Variants in ARHGAP15 observed in about 807,000 individuals in gnomAD.
The protein encoded by ARHGAP15 is Rho GTPase activating protein 15, also known as rho GTPase-activating protein 15.
Under a neutral mutation model 63.7 loss-of-function variants are expected in ARHGAP15, and 51 were observed. The ratio of observed to expected loss-of-function variants is 0.80; its 90% CI spans 0.64 to 1.01. The LOEUF (loss-of-function observed/expected upper bound fraction) is 1.01. Ranked by LOEUF, ARHGAP15 falls within the 50% of genes least tolerant of loss-of-function variation. ARHGAP15 has a pLI of 0.00. For synonymous variants in ARHGAP15, 191 were observed against 193.8 expected (o/e 0.99, Z 0.12); for missense variants, 560 against 564.6 (o/e 0.99, Z 0.08).
At chr2:143,680,527 T>C (rs1250215964) in intron 12 of ARHGAP15, among the ~76,000 whole-genome samples, 1 of 152,220 alleles carries the variant, frequency 6.6e-6, no homozygotes, top group East Asian at 1.9e-4. Flanking sequence ...GGTGGGGAGA[T>C]ACCCAGTGTT....
At chr2:143,373,640 A>AC (rs920236386) in intron 6 of ARHGAP15, among the ~76,000 whole-genome samples, 4 of 149,296 alleles carry the variant, frequency 2.7e-5, no homozygotes, top group African/African-American at 7.4e-5. Context: ...AAAAAAAAAA[A>AC]AAAAAAAAAA....
chr2:143,177,688 A>G (rs532906257), intron 2 of ARHGAP15, among the ~76,000 whole-genome samples: 39 of 152,118 alleles, frequency 2.6e-4, no homozygotes, highest in Non-Finnish European at 4.3e-4. Context: ...ATTCTAACAT[A>G]TGATTTGCTT....
chr2:143,323,846 G>A (rs1449445046), intron 6 of ARHGAP15, among the ~76,000 whole-genome samples: 2 of 116,774 alleles, frequency 1.7e-5, no homozygotes, highest in African/African-American at 6.8e-5. Context: ...AGTGAGCCGA[G>A]ATCGCACCAC....
chr2:143,452,287 G>A (rs890111961), intron 8 of ARHGAP15, among the ~76,000 whole-genome samples: 2 of 151,862 alleles, frequency 1.3e-5, no homozygotes, highest in Non-Finnish European at 2.9e-5. Context: ...ACTATTAATC[G>A]AACACTTTGA....
At chr2:143,310,435 A>G (rs1683391227) in intron 6 of ARHGAP15, among the ~76,000 whole-genome samples, 1 of 152,032 alleles carries the variant, frequency 6.6e-6, no homozygotes, top group African/African-American at 2.4e-5. Context: ...AATTGAAAGG[A>G]ATTTGAATGA....
At chr2:143,447,234 CAG>C (rs1256093357) in intron 8 of ARHGAP15, among the ~76,000 whole-genome samples, 2 of 151,958 alleles carry the variant, frequency 1.3e-5, no homozygotes, top group Admixed American at 6.6e-5. Flanking sequence ...AGAATTTTGA[CAG>C]AGAGTTATGT....
At chr2:143,673,744 G>GTATA (rs1682655962) in intron 12 of ARHGAP15, among the ~76,000 whole-genome samples, 5 of 24,690 alleles carry the variant, frequency 2.0e-4, no homozygotes, top group Admixed American at 8.5e-4. Context: ...GTGTGTGTGT[G>GTATA]TGTGTGTGTG....
At chr2:143,218,442 C>T (rs1692856461) in intron 4 of ARHGAP15, among the ~76,000 whole-genome samples, 1 of 151,888 alleles carries the variant, frequency 6.6e-6, no homozygotes, top group African/African-American at 2.4e-5. Context: ...GCTTCAATCC[C>T]TTGTAGACCT....
At chr2:143,487,889 C>T (rs1321585244) in intron 9 of ARHGAP15, among the ~76,000 whole-genome samples, 1 of 152,110 alleles carries the variant, frequency 6.6e-6, no homozygotes, top group African/African-American at 2.4e-5. Flanking sequence ...CAGAAATGTC[C>T]AGATTTGGAT....
intron 12 of ARHGAP15, among the ~76,000 whole-genome samples, chr2:143,644,136 A>G (rs557259907): frequency 1.3e-5 from 2 of 152,260 alleles, no homozygotes; most frequent in African/African-American, 4.8e-5. Flanking sequence ...TGAAGATCCG[A>G]AGACCTAGGG....
At chr2:143,276,934 A>G (rs1681589452) in intron 6 of ARHGAP15, among the ~76,000 whole-genome samples, 2 of 152,222 alleles carry the variant, frequency 1.3e-5, no homozygotes, top group African/African-American at 4.8e-5. Flanking sequence ...CACACAATAG[A>G]AATGAGCAAA....
intron 11 of ARHGAP15, among the ~76,000 whole-genome samples, chr2:143,584,361 C>T (rs970489789): frequency 1.1e-4 from 17 of 152,164 alleles, no homozygotes; most frequent in African/African-American, 4.1e-4. Context: ...TGCGGTGGCT[C>T]ATGCCTGTAA....
chr2:143,180,967 C>T (rs972385547), intron 2 of ARHGAP15, among the ~76,000 whole-genome samples: 6 of 152,082 alleles, frequency 3.9e-5, no homozygotes, highest in East Asian at 1.9e-4. Context: ...CCACTGTACC[C>T]GGCCTTAAAT....
intron 4 of ARHGAP15, among the ~76,000 whole-genome samples, chr2:143,221,339 T>C (rs1674661034): frequency 6.6e-6 from 1 of 152,200 alleles, no homozygotes; most frequent in African/African-American, 2.4e-5. Context: ...AAAGGAAAGA[T>C]AAATTATTGG....
At chr2:143,485,855 G>T (rs1006670284) in intron 8 of ARHGAP15, among the ~76,000 whole-genome samples, 1 of 152,166 alleles carries the variant, frequency 6.6e-6, no homozygotes, top group Non-Finnish European at 1.5e-5. Flanking sequence ...AGCAAGAATT[G>T]TCTCAATTTA....
In ARHGAP15 at chr2:143,599,522, A is replaced by AC. The variant is rs527383256; in HGVS notation, c.1004-24607dup. 7.0e-4 allele frequency among the ~76,000 whole-genome samples: 107 copies of AC among 152,108 alleles called. No homozygotes were observed. The East Asian group carries it at 0.02, about 28-fold the overall frequency. ...AGACCAGCCTGAGTAGCAAAGCAAG[A>AC]CCCCTACCCCCGCCATCTACACAGA... On this transcript the variant is annotated intron_variant, in intron 11 of 13. Coordinates refer to ENST00000295095, the MANE Select transcript of ARHGAP15 (RefSeq NM_018460.4).
At chr2:143,563,382 AAAAAC>A (rs1486187210) in intron 11 of ARHGAP15, among the ~76,000 whole-genome samples, 2 of 152,228 alleles carry the variant, frequency 1.3e-5, no homozygotes, top group African/African-American at 4.8e-5. Context: ...AATTGGAAGA[AAAAAC>A]AAATAAAACT....
chr2:143,498,556 G>T (rs570239270), intron 9 of ARHGAP15, among the ~76,000 whole-genome samples: 4 of 152,058 alleles, frequency 2.6e-5, no homozygotes, highest in Non-Finnish European at 4.4e-5. Flanking sequence ...CTCCTCCTTA[G>T]ATATTTCCCT....
rs34875897 is a variant in ARHGAP15 at position 143,462,773 on chromosome 2, AGATGGATGGATG to A, written c.704-24581_704-24570del. Among the ~76,000 whole-genome samples, 80 of 152,014 alleles carry A rather than the reference AGATGGATGGATG, an allele frequency of 5.3e-4. 1 individual carries two copies. Among genetic ancestry groups the A allele is most frequent in the Admixed American group, 5.9e-4 (9 of 15,258 alleles). Reference sequence around the variant, plus strand: ...GTACTACTACTAGTAAGATGTAGTAAGATGGATGGATGGATGGATGGATGGATGGACAGACGG... The same window carrying A: ...GTACTACTACTAGTAAGATGTAGTAAGATGGATGGATGGATGGACAGACGG... On this transcript the variant is annotated intron_variant, in intron 8 of 13. Transcript: ENST00000295095.
Sources: allele counts gnomAD v4.1 joint callset (sites outside exome capture counted in the v4.1 genomes callset), GRCh38; gene constraint gnomAD v4.1.1; transcripts MANE v1.5; gene names NCBI Gene and HGNC (gene_info 2026-07-23, HGNC 2026-07-21).